The following BICD1 variants were observed in gnomAD, a reference collection of about 807,000 sequenced individuals.
The protein encoded by BICD1 is protein bicaudal D homolog 1.
BICD1 carries 35 observed loss-of-function variants against 92.5 expected under a neutral mutation model. The observed-to-expected ratio is 0.38, with a 90% CI of 0.29 to 0.50. The LOEUF is 0.50. BICD1 is among the 20% of genes least tolerant of loss of function. BICD1 has a pLI of 0.93. For synonymous variants in BICD1, 429 were observed against 465.1 expected (o/e 0.92, Z 1.00); for missense variants, 950 against 1,189.8 (o/e 0.80, Z 2.97).
intron 1 of BICD1, among the ~76,000 whole-genome samples, chr12:32,182,858 G>GT (rs1241062780): frequency 7.0e-5 from 8 of 114,688 alleles, no homozygotes; most frequent in African/African-American, 2.6e-4. Context: ...GAAAATTTGT[G>GT]TTTTTTTCTT....
intron 2 of BICD1, among the ~76,000 whole-genome samples, chr12:32,288,862 T>TA (rs1476176355): frequency 8.3e-4 from 124 of 148,514 alleles, no homozygotes; most frequent in African/African-American, 3.0e-3. Context: ...CAAGACTCTT[T>TA]CAAAAAAAAA....
intron 1 of BICD1, among the ~76,000 whole-genome samples, chr12:32,186,288 G>A (rs1347305325): frequency 2.0e-5 from 3 of 152,136 alleles, no homozygotes; most frequent in Non-Finnish European, 4.4e-5. Context: ...AAACATTGCT[G>A]AAAGTACACA....
chr12:32,118,466 AT>A (rs544387598), intron 1 of BICD1, among the ~76,000 whole-genome samples: 99 of 152,238 alleles, frequency 6.5e-4, no homozygotes, highest in African/African-American at 2.2e-3. Context: ...GCATCCTTGG[AT>A]TGAAAATATT....
intron 2 of BICD1, among the ~76,000 whole-genome samples, chr12:32,239,175 A>C (rs1284376045): frequency 1.3e-5 from 2 of 148,394 alleles, no homozygotes; most frequent in African/African-American, 2.5e-5. Flanking sequence ...TGAACCTGGC[A>C]GGCGGAGGTT....
In BICD1 at chr12:32,367,699, C is replaced by T; in HGVS notation, c.2794C>T (p.Pro932Ser). ...DCQQPAASVP[P>S]QCSQLAGRQD... ...TCAGCAGCCTGCTGCCTCCGTACCGCCACAGTGCTCACAACTAGCCGGGAG... is the reference window on the plus strand; with the variant it reads ...TCAGCAGCCTGCTGCCTCCGTACCGTCACAGTGCTCACAACTAGCCGGGAG... Residue 932 changes from proline to serine, a missense_variant, in exon 9 of 10, where the codon CCA (proline) becomes TCA (serine). This residue lies in a region of BICD1 where 179 missense variants were observed against 186.7 expected (regional missense o/e 0.96). Transcript: ENST00000652176. 6.2e-7 allele frequency: 1 copy of T among 1,614,162 alleles called. No individual in the cohort carries two copies. The highest frequency in any genetic ancestry group is 1.1e-5 in the South Asian group (1 of 91,092).
rs1019222567 is a variant in BICD1 at position 32,154,778 on chromosome 12, A to G, written c.213+47234A>G. On this transcript the variant is annotated intron_variant, in intron 1 of 9. Coordinates refer to ENST00000652176, the MANE Select transcript of BICD1 (RefSeq NM_001714.4). ...CAAAGTAGATGTTCATTTTCTTAGGAGGAGGAATGTCTTTGGTATCCTGTA... is the reference window on the plus strand; with the variant it reads ...CAAAGTAGATGTTCATTTTCTTAGGGGGAGGAATGTCTTTGGTATCCTGTA... 2.0e-5 allele frequency among the ~76,000 whole-genome samples: 3 copies of G among 152,162 alleles called. No individual in the cohort carries two copies. In the East Asian group the frequency reaches 5.8e-4, roughly 29 times the overall value.
At chr12:32,175,791 T>G (rs1350281805) in intron 1 of BICD1, among the ~76,000 whole-genome samples, 2 of 152,192 alleles carry the variant, frequency 1.3e-5, no homozygotes, top group African/African-American at 4.8e-5. Flanking sequence ...CTTTACTGAG[T>G]GATGCAACTG....
At chr12:32,369,373 T>C (rs567366438) in intron 9 of BICD1, among the ~76,000 whole-genome samples, 2 of 152,232 alleles carry the variant, frequency 1.3e-5, no homozygotes, top group Non-Finnish European at 2.9e-5. Flanking sequence ...GTTGCCCTTC[T>C]ACCAGGGGAA....
chr12:32,285,830 T>C (rs1490452274), intron 2 of BICD1, among the ~76,000 whole-genome samples: 18 of 152,180 alleles, frequency 1.2e-4, no homozygotes, highest in Admixed American at 1.2e-3. Flanking sequence ...CAGCGCCATC[T>C]TATCCCAGGA....
rs768053496 is a variant in BICD1, at chr12:32,337,549, C to A, written c.2303C>A (p.Ala768Asp). 1 of 1,614,144 alleles carries A rather than the reference C, an allele frequency of 6.2e-7. No individual in the cohort carries two copies. The highest frequency in any genetic ancestry group is 8.5e-7 in the Non-Finnish European group (1 of 1,179,988). Residue 768 changes from alanine to aspartate, a missense_variant, in exon 7 of 10, where the codon GCT becomes GAT. This residue lies in a region of BICD1 where 309 missense variants were observed against 499.4 expected (regional missense o/e 0.62). Coordinates refer to ENST00000652176, the MANE Select transcript of BICD1 (RefSeq NM_001714.4). This position sits in a 1 kb window ranked among gnomAD's most constrained non-coding sequence, Gnocchi z 4.7. Reference protein sequence around the residue: ...QLDEMQRQLAAAEDEKKTLNT... With the variant: ...QLDEMQRQLADAEDEKKTLNT... ...GATGAGATGCAGAGACAGTTAGCAG[C>A]TGCAGAGGATGAGAAGAAGACTCTG...
At chr12:32,212,089 T>A (rs765506130) in intron 1 of BICD1, among the ~76,000 whole-genome samples, 35 of 152,384 alleles carry the variant, frequency 2.3e-4, no homozygotes, top group South Asian at 1.4e-3. Context: ...ACTCTGTATG[T>A]ACAGATGGAC....
At chr12:32,111,279 C>G (rs937482464) in intron 1 of BICD1, among the ~76,000 whole-genome samples, 1 of 152,128 alleles carries the variant, frequency 6.6e-6, no homozygotes, top group African/African-American at 2.4e-5. Flanking sequence ...TCTTTTGGAG[C>G]CAACTCTATT....
intron 1 of BICD1, among the ~76,000 whole-genome samples, chr12:32,212,903 AT>A (rs1188096330): frequency 1.3e-5 from 2 of 152,102 alleles, no homozygotes; most frequent in African/African-American, 4.8e-5. Flanking sequence ...ACATTTATTT[AT>A]TTTTTAACTT....
intron 4 of BICD1, among the ~76,000 whole-genome samples, chr12:32,311,844 A>G (rs1592655209): frequency 6.6e-6 from 1 of 152,244 alleles, no homozygotes; most frequent in South Asian, 2.1e-4. Context: ...GATTCTCTAC[A>G]GAATGTGGAT....
chr12:32,151,943 T>G (rs1412798348), intron 1 of BICD1, among the ~76,000 whole-genome samples: 1 of 152,102 alleles, frequency 6.6e-6, no homozygotes, highest in Non-Finnish European at 1.5e-5. Flanking sequence ...GACTTGTTTT[T>G]TTGTTGTTGT....
chr12:32,210,297 T>C (rs1415695910), intron 1 of BICD1, among the ~76,000 whole-genome samples: 1 of 152,192 alleles, frequency 6.6e-6, no homozygotes, highest in Non-Finnish European at 1.5e-5. Context: ...TGTCCCTGGG[T>C]GACCTAGTAC....
At chr12:32,236,114 G>A (rs561007462) in intron 2 of BICD1, among the ~76,000 whole-genome samples, 1 of 151,836 alleles carries the variant, frequency 6.6e-6, no homozygotes, top group Non-Finnish European at 1.5e-5. Context: ...CTTAATTGAG[G>A]CCAGGTGTGG....
chr12:32,237,212 C>T (rs779950847), intron 2 of BICD1, among the ~76,000 whole-genome samples: 1 of 152,090 alleles, frequency 6.6e-6, no homozygotes, highest in African/African-American at 2.4e-5. Flanking sequence ...GGCCCTAACT[C>T]CCTTCAATTC....
At chr12:32,222,440 G>A (rs1355520038) in intron 2 of BICD1, among the ~76,000 whole-genome samples, 8 of 152,128 alleles carry the variant, frequency 5.3e-5, no homozygotes, top group Non-Finnish European at 1.2e-4. Flanking sequence ...GGGGCACGTG[G>A]ATCAAAGAGA....
Sources: gnomAD v4.1 joint callset for allele counts (sites outside exome capture counted in the v4.1 genomes callset) on GRCh38, gnomAD v4.1.1 for gene constraint, gnomAD v4.1.1 regional missense constraint, Gnocchi (gnomAD v3.1) non-coding constraint, MANE v1.5 for transcripts, NCBI Gene and HGNC (gene_info 2026-07-23, HGNC 2026-07-21) for gene names.